TRIM14: variants seen among roughly 807,000 people sequenced by gnomAD.
TRIM14 encodes tripartite motif containing 14, also known as tripartite motif-containing protein 14.
Under a neutral mutation model 44.5 loss-of-function variants are expected in TRIM14, and 28 were observed. The ratio of observed to expected loss-of-function variants is 0.63; its 90% CI spans 0.47 to 0.86. TRIM14 has a LOEUF of 0.86. TRIM14 is among the 40% of genes least tolerant of loss of function. The probability of loss-of-function intolerance (pLI) is 0.00; values close to 1 mark genes in which losing one functional copy is unlikely to be tolerated. For synonymous variants in TRIM14, 299 were observed against 269.2 expected (o/e 1.11, Z -1.08); for missense variants, 607 against 611.1 (o/e 0.99, Z 0.07).
chr9:98,078,832 G>GT, intron 6 of TRIM14, among the ~76,000 whole-genome samples: 2 of 97,470 alleles, frequency 2.1e-5, no homozygotes, highest in Middle Eastern at 8.7e-3. Flanking sequence ...GAGACTCTCA[G>GT]GGGGAAAAAA....
chr9:98,061,425 C>T, the TRIM14 span, among the ~76,000 whole-genome samples: 13 of 143,954 alleles, frequency 9.0e-5, no homozygotes, highest in African/African-American at 3.1e-4. Flanking sequence ...TGCAGTGAGC[C>T]GAGATCACAC....
At chr9:98,093,158 C>A (rs571907871) in intron 4 of TRIM14, among the ~76,000 whole-genome samples, 21 of 152,278 alleles carry the variant, frequency 1.4e-4, no homozygotes, top group Admixed American at 1.2e-3. Flanking sequence ...GAGTTGCCCA[C>A]GTCCAAATCC....
intron 6 of TRIM14, among the ~76,000 whole-genome samples, chr9:98,072,443 G>A (rs1353185726): frequency 3.3e-5 from 5 of 149,772 alleles, no homozygotes; most frequent in East Asian, 3.9e-4. Context: ...ACGGAGTCTC[G>A]CTGTGTCGCC....
At chr9:98,072,891 CT>C in intron 6 of TRIM14, among the ~76,000 whole-genome samples, 1 of 152,268 alleles carries the variant, frequency 6.6e-6, no homozygotes, top group South Asian at 2.1e-4. Context: ...ACACTGTATG[CT>C]GTTCTAGGGC....
intron 6 of TRIM14, among the ~76,000 whole-genome samples, chr9:98,072,776 G>A (rs1829400594): frequency 6.6e-6 from 1 of 152,130 alleles, no homozygotes; most frequent in East Asian, 1.9e-4. Context: ...ACTGTTGGAG[G>A]TAGATTGGTT....
chr9:98,097,468 C>A (rs966823081), intron 3 of TRIM14, among the ~76,000 whole-genome samples: 1 of 152,198 alleles, frequency 6.6e-6, no homozygotes, highest in Non-Finnish European at 1.5e-5. Context: ...AGCACCCAAC[C>A]CTACCATCAC....
intron 4 of TRIM14, 49 bp from the exon 5 acceptor site, chr9:98,092,050 CAAAT>C (rs1219834818): frequency 7.0e-7 from 1 of 1,438,378 alleles, no homozygotes; most frequent in African/African-American, 1.4e-5. Context: ...TGCAAGCAGA[CAAAT>C]AAGACGTGCT....
At chr9:98,064,043 CAT>C in the TRIM14 span, among the ~76,000 whole-genome samples, 6 of 152,188 alleles carry the variant, frequency 3.9e-5, no homozygotes, top group African/African-American at 9.7e-5. Context: ...AGTTCTAAAA[CAT>C]GTGTGTCGAC....
At chr9:98,036,777 C>T in the TRIM14 span, among the ~76,000 whole-genome samples, 1 of 152,102 alleles carries the variant, frequency 6.6e-6, no homozygotes, top group Non-Finnish European at 1.5e-5. Context: ...GCATTCCAGC[C>T]TGGGCAACAA....
chr9:98,046,650 A>G, the TRIM14 span, among the ~76,000 whole-genome samples: 1 of 152,266 alleles, frequency 6.6e-6, no homozygotes, highest in Middle Eastern at 3.4e-3. Flanking sequence ...CATATTGGCC[A>G]GGCTGATCTT....
chr9:98,073,575 G>C (rs1013244552), intron 6 of TRIM14, among the ~76,000 whole-genome samples: 1 of 150,680 alleles, frequency 6.6e-6, no homozygotes, highest in South Asian at 2.1e-4. Context: ...GAGCCACCGC[G>C]CCTGGCCTGG....
chr9:98,078,836 GAAAA>G (rs11424970), intron 6 of TRIM14, among the ~76,000 whole-genome samples: 1 of 123,024 alleles, frequency 8.1e-6, no homozygotes, highest in African/African-American at 3.1e-5. Flanking sequence ...CTCTCAGGGG[GAAAA>G]AAAAAAAAAA....
chr9:98,113,738 C>T (rs902808398), intron 1 of TRIM14, among the ~76,000 whole-genome samples: 2 of 152,186 alleles, frequency 1.3e-5, no homozygotes, highest in Non-Finnish European at 2.9e-5. Context: ...TTTACTTTTG[C>T]ATAAATGGCA....
At chr9:98,075,740 GTATGTT>G (rs1465514270) in intron 6 of TRIM14, 5 of 152,140 alleles carry the variant, frequency 3.3e-5, no homozygotes, top group Admixed American at 3.3e-4. Context: ...AAGGTGATGT[GTATGTT>G]TATTACTCTT....
the TRIM14 span, among the ~76,000 whole-genome samples, chr9:98,044,005 CTTTTT>C: frequency 3.0e-5 from 4 of 131,244 alleles, no homozygotes; most frequent in Admixed American, 7.7e-5. Flanking sequence ...TATTTGTTTC[CTTTTT>C]TTTTTTTTTT....
At chr9:98,055,609 C>A in the TRIM14 span, among the ~76,000 whole-genome samples, 1 of 152,124 alleles carries the variant, frequency 6.6e-6, no homozygotes, top group East Asian at 1.9e-4. Context: ...AATCTTGTAG[C>A]CTCCAGGTGC....
chr9:98,062,843 T>C, the TRIM14 span, among the ~76,000 whole-genome samples: 1 of 150,612 alleles, frequency 6.6e-6, no homozygotes. Context: ...ATAGGATTTC[T>C]CTGTGTTCTT....
At chr9:98,075,653 C>T (rs1268628780) in intron 6 of TRIM14, 1 of 152,112 alleles carries the variant, frequency 6.6e-6, no homozygotes, top group East Asian at 1.9e-4. Context: ...TTCTGAGTCA[C>T]CATTCAGAGA....
intron 2 of TRIM14, among the ~76,000 whole-genome samples, chr9:98,101,609 A>G (rs1312097948): frequency 6.6e-6 from 1 of 151,870 alleles, no homozygotes; most frequent in Non-Finnish European, 1.5e-5. Context: ...TTTAGCAGAG[A>G]CAGGGAGTCA....
Sources: gnomAD v4.1 joint callset for allele counts (sites outside exome capture counted in the v4.1 genomes callset) on GRCh38, gnomAD v4.1.1 for gene constraint, MANE v1.5 for transcripts, NCBI Gene and HGNC (gene_info 2026-07-23, HGNC 2026-07-21) for gene names.